Variants in TFPI observed in about 807,000 individuals in gnomAD.
TFPI encodes the protein anti-convertin.
Under a neutral mutation model 34.6 loss-of-function variants are expected in TFPI, and 15 were observed. The observed-to-expected ratio is 0.43, with a 90% CI of 0.29 to 0.67. The LOEUF (loss-of-function observed/expected upper bound fraction) is 0.67, where lower values mean the gene tolerates loss of function less well. TFPI is among the 30% of genes least tolerant of loss of function. TFPI has a pLI of 0.15. For missense variants in TFPI, 301 were observed against 364.0 expected, an observed-to-expected ratio of 0.83 and a Z score of 1.41; for synonymous variants, 105 against 120.1, an observed-to-expected ratio of 0.87 and a Z score of 0.82.
chr2:187,507,070 C>G (rs527255972), intron 1 of TFPI, among the ~76,000 whole-genome samples: 48 of 152,176 alleles, frequency 3.2e-4, no homozygotes, highest in African/African-American at 9.9e-4. Context: ...CCTCCCACCC[C>G]CTGACAGACC....
chr2:187,519,095 C>G (rs1054364807), intron 1 of TFPI: 1 of 152,114 alleles, frequency 6.6e-6, no homozygotes, highest in African/African-American at 2.4e-5. Flanking sequence ...AGAACATGCT[C>G]CCTTAGCTTG....
rs1197323435 is a variant in TFPI, at chr2:187,548,669, A to G, written c.-3+5531T>C. Among the ~76,000 whole-genome samples the G allele has an allele frequency of 2.0e-5, 3 of 152,064 alleles. No individual in the cohort carries two copies. In the East Asian group the frequency reaches 5.8e-4, roughly 29 times the overall value. On this transcript the variant is annotated intron_variant, in intron 1 of 7. Transcript: ENST00000233156. The stretch of plus-strand genomic sequence containing the variant: ...CAGGTAAGTGGTGGTGGGGAGAGTA[A>G]TATTGACAGAATAGTTATATGGCAA...
At chr2:187,545,007 A>T (rs908251181) in intron 1 of TFPI, among the ~76,000 whole-genome samples, 3 of 151,420 alleles carry the variant, frequency 2.0e-5, no homozygotes, top group Non-Finnish European at 4.4e-5. Flanking sequence ...AGCTCCTCGG[A>T]GGCTGAGGCA....
intron 1 of TFPI, among the ~76,000 whole-genome samples, chr2:187,505,247 T>TGG (rs1175435733): frequency 6.6e-6 from 1 of 152,064 alleles, no homozygotes; most frequent in Non-Finnish European, 1.5e-5. Context: ...AGGCTGAGGT[T>TGG]GGGGGCCTGC....
rs376282412 is a variant in TFPI at position 187,503,657 on chromosome 2, T to C, written c.112A>G (p.Ile38Val). 11 of 1,612,412 alleles carry C rather than the reference T, an allele frequency of 6.8e-6. No homozygotes were observed. The African/African-American group carries it at 1.3e-4, about 20-fold the overall frequency. Residue 38 changes from isoleucine to valine, a missense_variant, in exon 2 of 8, where the codon ATT becomes GTT. Ile to Val is a conservative substitution (Grantham distance 29). Coordinates refer to ENST00000233156, the MANE Select transcript of TFPI (RefSeq NM_006287.6). ...GCTTCTAATATTTTACCTGTGATAA[T>C]TGTGTGTTCTTCATCTTCCTCAGAA... ...ADSEEDEEHT[I>V]ITDTELPPLK...
intron 1 of TFPI, chr2:187,526,998 A>C (rs929500397): frequency 6.6e-6 from 1 of 152,102 alleles, no homozygotes; most frequent in African/African-American, 2.4e-5. Flanking sequence ...CAGGGGGCCT[A>C]CCCTTCTGTC....
At chr2:187,518,481 G>T (rs1687157492) in intron 1 of TFPI, 1 of 152,180 alleles carries the variant, frequency 6.6e-6, no homozygotes, top group Non-Finnish European at 1.5e-5. Context: ...CTCTCTTCTG[G>T]CTTGTAGAGT....
chr2:187,508,103 C>T (rs893450952), intron 1 of TFPI, among the ~76,000 whole-genome samples: 13 of 152,130 alleles, frequency 8.5e-5, no homozygotes, highest in Non-Finnish European at 1.5e-5. Context: ...TCAGGTTTGT[C>T]AAAGATCAGA....
Position 187,466,697 on chromosome 2 carries a change from A to G in TFPI, c.*239T>C, listed in dbSNP as rs1019047898. ...TTTGTAGTTAAATGAAAATACAGATAGATCCAGAAAATAAGTAATTTCCCA... is the reference window on the plus strand; with the variant it reads ...TTTGTAGTTAAATGAAAATACAGATGGATCCAGAAAATAAGTAATTTCCCA... On this transcript the variant is annotated 3_prime_UTR_variant, in exon 8 of 8. Coordinates refer to ENST00000233156, the MANE Select transcript of TFPI (RefSeq NM_006287.6). The G allele has an allele frequency of 6.1e-5, 17 of 278,878 alleles. No individual in the cohort carries two copies. Among genetic ancestry groups the G allele is most frequent in the Non-Finnish European group, 1.0e-4 (15 of 145,324 alleles). 17.3% of individuals were successfully genotyped at this position (278,878 alleles called of 1,614,324 possible).
intron 1 of TFPI, chr2:187,520,536 A>G (rs1469319180): frequency 6.6e-6 from 1 of 151,928 alleles, no homozygotes; most frequent in Non-Finnish European, 1.5e-5. Flanking sequence ...TGCAGAAATC[A>G]CCCACCTTCT....
chr2:187,487,031 A>G (rs1693321465), intron 4 of TFPI, among the ~76,000 whole-genome samples: 1 of 151,634 alleles, frequency 6.6e-6, no homozygotes, highest in African/African-American at 2.4e-5. Context: ...ACTTTCATAT[A>G]TAATATGAGA....
intron 3 of TFPI, among the ~76,000 whole-genome samples, chr2:187,490,558 A>G (rs1489185752): frequency 6.6e-6 from 1 of 151,478 alleles, no homozygotes; most frequent in Admixed American, 6.6e-5. Flanking sequence ...TAGTGCTTAC[A>G]TATTATATCT....
chr2:187,545,110 C>CA (rs1054607793), intron 1 of TFPI, among the ~76,000 whole-genome samples: 109 of 150,104 alleles, frequency 7.3e-4, no homozygotes, highest in African/African-American at 2.2e-3. Context: ...GACCCTGTTT[C>CA]AAAAAAAAGA....
At chr2:187,519,143 T>C (rs1383474823) in intron 1 of TFPI, 1 of 152,222 alleles carries the variant, frequency 6.6e-6, no homozygotes, top group African/African-American at 2.4e-5. Context: ...CCTACTTCTG[T>C]CAATTCATCA....
In TFPI at chr2:187,494,442, C is replaced by T. The variant is rs8176463; in HGVS notation, c.319+2439G>A. Among the ~76,000 whole-genome samples, 694 of 152,302 alleles carry T rather than the reference C, an allele frequency of 4.6e-3. 1 individual carries two copies. The highest frequency in any genetic ancestry group is 9.5e-3 in the African/African-American group (394 of 41,564). Reference sequence around the variant, plus strand: ...GCCTTCACACAGGAAGCAGGGGAGACTGCAGGGCTCATCTTATGTATTTAC... The same window carrying T: ...GCCTTCACACAGGAAGCAGGGGAGATTGCAGGGCTCATCTTATGTATTTAC... On this transcript the variant is annotated intron_variant, in intron 3 of 7. Coordinates refer to ENST00000233156, the MANE Select transcript of TFPI (RefSeq NM_006287.6).
intron 3 of TFPI, among the ~76,000 whole-genome samples, chr2:187,492,687 G>A (rs1685200555): frequency 1.3e-5 from 2 of 152,160 alleles, no homozygotes; most frequent in Non-Finnish European, 2.9e-5. Context: ...TGCCCTGCTG[G>A]ATTTTGGACT....
chr2:187,549,692 A>C (rs1287267500), intron 1 of TFPI, among the ~76,000 whole-genome samples: 1 of 152,120 alleles, frequency 6.6e-6, no homozygotes, highest in African/African-American at 2.4e-5. Flanking sequence ...CCTGGGATAC[A>C]ATAAACAATA....
intron 3 of TFPI, among the ~76,000 whole-genome samples, chr2:187,494,062 A>G (rs1685298506): frequency 6.6e-6 from 1 of 152,208 alleles, no homozygotes; most frequent in African/African-American, 2.4e-5. Context: ...GTCACATCTT[A>G]CATGGATAGC....
At chr2:187,467,377 T>G (rs189079593) in intron 7 of TFPI, among the ~76,000 whole-genome samples, 88 of 152,156 alleles carry the variant, frequency 5.8e-4, no homozygotes, top group African/African-American at 1.9e-3. Flanking sequence ...ATTTTTATAC[T>G]CTTCTTAGTC....
Sources: allele counts gnomAD v4.1 joint callset (sites outside exome capture counted in the v4.1 genomes callset), GRCh38; gene constraint gnomAD v4.1.1; transcripts MANE v1.5; gene names NCBI Gene and HGNC (gene_info 2026-07-23, HGNC 2026-07-21).